The following ST8SIA4 variants were observed in gnomAD, a reference collection of about 807,000 sequenced individuals.
ST8SIA4 encodes the protein ST8 alpha-N-acetyl-neuraminide alpha-2,8-sialyltransferase 4, also known as CMP-N-acetylneuraminate-poly-alpha-2,8-sialyltransferase.
Under a neutral mutation model 33.9 loss-of-function variants are expected in ST8SIA4, and 15 were observed. The ratio of observed to expected loss-of-function variants is 0.44; its 90% CI spans 0.30 to 0.68. The LOEUF (loss-of-function observed/expected upper bound fraction) is 0.68, where lower values mean the gene tolerates loss of function less well. ST8SIA4 is among the 30% of genes least tolerant of loss of function. The pLI is 0.10. For synonymous variants in ST8SIA4, 171 were observed against 151.2 expected (o/e 1.13, Z -0.96); for missense variants, 321 against 428.0 (o/e 0.75, Z 2.21).
intron 2 of ST8SIA4, among the ~76,000 whole-genome samples, chr5:100,890,302 T>C (rs1316797583): frequency 6.6e-6 from 1 of 151,738 alleles, no homozygotes; most frequent in Non-Finnish European, 1.5e-5. Context: ...AGACTATAAA[T>C]ATGAAAAAAA....
intron 3 of ST8SIA4, among the ~76,000 whole-genome samples, chr5:100,882,366 A>G (rs571484928): frequency 3.3e-5 from 5 of 152,218 alleles, no homozygotes; most frequent in Non-Finnish European, 7.3e-5. Flanking sequence ...TGGCAGAAGA[A>G]ATTTCTAAGC....
chr5:100,828,941 T>A (rs1580452264), intron 4 of ST8SIA4, among the ~76,000 whole-genome samples: 1 of 152,184 alleles, frequency 6.6e-6, no homozygotes, highest in South Asian at 2.1e-4. Flanking sequence ...ACTTGTCAAA[T>A]GACTCACTAT....
At chr5:100,836,383 ATC>A (rs1325036291) in intron 4 of ST8SIA4, among the ~76,000 whole-genome samples, 1 of 151,992 alleles carries the variant, frequency 6.6e-6, no homozygotes, top group African/African-American at 2.4e-5. Flanking sequence ...GTTGAGCTGG[ATC>A]TCTAGTATTA....
intron 2 of ST8SIA4, 97 bp downstream of exon 2, chr5:100,895,557 C>A: frequency 8.2e-7 from 1 of 1,222,420 alleles, no homozygotes; most frequent in Non-Finnish European, 1.1e-6. Flanking sequence ...AGTATTCATA[C>A]TTAAACCATA....
At chr5:100,814,709 G>A (rs1213440699) in intron 4 of ST8SIA4, among the ~76,000 whole-genome samples, 1 of 151,870 alleles carries the variant, frequency 6.6e-6, no homozygotes. Flanking sequence ...TCAACCTAAT[G>A]TTGTGTTTGA....
intron 2 of ST8SIA4, among the ~76,000 whole-genome samples, chr5:100,889,105 G>C (rs528889760): frequency 6.6e-6 from 1 of 151,964 alleles, no homozygotes; most frequent in African/African-American, 2.4e-5. Context: ...ATGCATTATA[G>C]AAACTGGAAA....
At chr5:100,839,890 T>C (rs1407976780) in intron 4 of ST8SIA4, among the ~76,000 whole-genome samples, 8 of 151,846 alleles carry the variant, frequency 5.3e-5, no homozygotes, top group African/African-American at 1.7e-4. Flanking sequence ...CAGATGAGAC[T>C]CTGGGCTGCA....
At chr5:100,873,147 A>G (rs1580475073) in intron 3 of ST8SIA4, among the ~76,000 whole-genome samples, 1 of 152,168 alleles carries the variant, frequency 6.6e-6, no homozygotes. Flanking sequence ...GGCCCTCTTA[A>G]TTGATATCTT....
chr5:100,836,690 AT>A (rs1008790012), intron 4 of ST8SIA4, among the ~76,000 whole-genome samples: 25 of 151,896 alleles, frequency 1.6e-4, no homozygotes, highest in Admixed American at 1.2e-3. Context: ...TGGACAAATA[AT>A]TTTTTTTAAA....
intron 4 of ST8SIA4, among the ~76,000 whole-genome samples, chr5:100,836,205 A>G (rs541948053): frequency 4.1e-4 from 62 of 152,106 alleles, no homozygotes; most frequent in Non-Finnish European, 8.1e-4. Flanking sequence ...CGCTTTGCAT[A>G]TAACTCAAAT....
intron 2 of ST8SIA4, among the ~76,000 whole-genome samples, chr5:100,889,343 G>T (rs1752610136): frequency 6.6e-6 from 1 of 151,926 alleles, no homozygotes; most frequent in Non-Finnish European, 1.5e-5. Context: ...CATCAGGCTA[G>T]ATGGTGTTAT....
At chr5:100,870,681 TGA>T (rs1752179590) in intron 3 of ST8SIA4, among the ~76,000 whole-genome samples, 1 of 152,140 alleles carries the variant, frequency 6.6e-6, no homozygotes, top group African/African-American at 2.4e-5. Flanking sequence ...AATTTCTGTG[TGA>T]GGAGTGACAT....
At chr5:100,885,864 A>G in intron 3 of ST8SIA4, 4 of 869,428 alleles carry the variant, frequency 4.6e-6, no homozygotes, top group Non-Finnish European at 5.5e-6. Context: ...TTAAAGAAAT[A>G]TGGCTCAGGA....
chr5:100,815,342 T>C (rs1750892670), intron 4 of ST8SIA4, among the ~76,000 whole-genome samples: 1 of 151,992 alleles, frequency 6.6e-6, no homozygotes. Flanking sequence ...CATTCACATA[T>C]AGACATATAC....
At chr5:100,895,918 G>C in intron 1 of ST8SIA4, 133 bp from the exon 2 acceptor site, 1 of 869,030 alleles carries the variant, frequency 1.2e-6, no homozygotes, top group Non-Finnish European at 1.7e-6. Context: ...AAGGAAATAC[G>C]CAAGCATGAT....
At chr5:100,879,848 A>G (rs1752380101) in intron 3 of ST8SIA4, among the ~76,000 whole-genome samples, 1 of 152,150 alleles carries the variant, frequency 6.6e-6, no homozygotes, top group Non-Finnish European at 1.5e-5. Context: ...CAGCTTCTGC[A>G]TTTACTGTAG....
intron 2 of ST8SIA4, among the ~76,000 whole-genome samples, chr5:100,894,764 T>C (rs1258075182): frequency 6.6e-6 from 1 of 152,050 alleles, no homozygotes; most frequent in African/African-American, 2.4e-5. Flanking sequence ...AGTGAGTAGG[T>C]AGAAACCCAG....
intron 4 of ST8SIA4, among the ~76,000 whole-genome samples, chr5:100,855,632 G>T (rs183472143): frequency 4.6e-5 from 7 of 152,248 alleles, no homozygotes; most frequent in African/African-American, 1.4e-4. Flanking sequence ...TGTGACTTTG[G>T]GGGGAAGCAT....
chr5:100,862,384 A>G (rs1751965367), intron 3 of ST8SIA4, among the ~76,000 whole-genome samples: 1 of 152,022 alleles, frequency 6.6e-6, no homozygotes, highest in Non-Finnish European at 1.5e-5. Context: ...TAAATTTTTA[A>G]AATATTTATT....
Sources: allele counts gnomAD v4.1 joint callset (sites outside exome capture counted in the v4.1 genomes callset), GRCh38; gene constraint gnomAD v4.1.1; transcripts MANE v1.5; gene names NCBI Gene and HGNC (gene_info 2026-07-23, HGNC 2026-07-21).